LTBP2: variants seen among roughly 807,000 people sequenced by gnomAD.
The protein encoded by LTBP2 is latent transforming growth factor beta binding protein 2, also known as latent-transforming growth factor beta-binding protein 2.
In LTBP2, 103 loss-of-function variants were observed where a neutral mutation model predicts 210.6. The observed-to-expected ratio is 0.49, with a 90% CI of 0.42 to 0.58. The LOEUF (loss-of-function observed/expected upper bound fraction) is 0.58. LTBP2 is among the 20% of genes least tolerant of loss of function. The pLI is 0.00. For missense variants in LTBP2, 2,313 were observed against 2,494.5 expected, an observed-to-expected ratio of 0.93 and a Z score of 1.55; for synonymous variants, 1,007 against 1,015.0, an observed-to-expected ratio of 0.99 and a Z score of 0.15.
chr14:74,545,170 A>G (rs2087561942), intron 8 of LTBP2, among the ~76,000 whole-genome samples: 1 of 152,062 alleles, frequency 6.6e-6, no homozygotes, highest in Non-Finnish European at 1.5e-5. Flanking sequence ...GATTAGGGAG[A>G]TCTTGCTCAG....
chr14:74,582,930 G>A (rs1383561146), intron 3 of LTBP2, among the ~76,000 whole-genome samples: 2 of 152,170 alleles, frequency 1.3e-5, no homozygotes, highest in African/African-American at 2.4e-5. Flanking sequence ...ATCTCTCCAG[G>A]CCCTTCCCAG....
Position 74,611,463 on chromosome 14 carries a change from C to G in LTBP2, c.482G>C (p.Gly161Ala). The G allele has an allele frequency of 6.7e-7, 1 of 1,493,306 alleles. No individual in the cohort carries two copies. 92.5% of individuals were successfully genotyped at this position (1,493,306 alleles called of 1,614,324 possible). A position where few individuals can be genotyped will look rare whatever the true frequency, so the allele number is the denominator to read the frequency against. Residue 161 changes from glycine (G) to alanine (A), a missense_variant, in exon 1 of 36, where the codon GGG becomes GCG. By Grantham distance (60) the Gly-to-Ala change is moderately conservative. Coordinates refer to ENST00000261978, the MANE Select transcript of LTBP2 (RefSeq NM_000428.3). ...SGAAPPTPPR[G>A]RLTGRNVCGG... ...CTCCCATGCTCACCCCGTGAGCCGC[C>G]CTCGCGGCGGGGTTGGGGGCGCAGC...
chr14:74,514,416 C>G (rs895424442), intron 18 of LTBP2, among the ~76,000 whole-genome samples: 4 of 152,140 alleles, frequency 2.6e-5, no homozygotes, highest in South Asian at 4.1e-4. Context: ...CCCAAAGGGC[C>G]CATGGCAACA....
chr14:74,503,782 T>A, intron 31 of LTBP2, 144 bp downstream of exon 31: 1 of 1,422,874 alleles, frequency 7.0e-7, no homozygotes, highest in South Asian at 1.2e-5. Flanking sequence ...CCACAGCTCC[T>A]TCACCTGGGA....
At chr14:74,556,521 T>G (rs1190292175) in intron 3 of LTBP2, among the ~76,000 whole-genome samples, 1 of 152,202 alleles carries the variant, frequency 6.6e-6, no homozygotes, top group African/African-American at 2.4e-5. Flanking sequence ...GTTTTTTGCT[T>G]GTTTTTGTTT....
At chr14:74,548,600 A>G (rs1179575382) in intron 8 of LTBP2, among the ~76,000 whole-genome samples, 1 of 152,212 alleles carries the variant, frequency 6.6e-6, no homozygotes, top group Non-Finnish European at 1.5e-5. Flanking sequence ...TGGCAAAAAC[A>G]TCTCTGGCCT....
Position 74,517,853 on chromosome 14 carries a change from C to G in LTBP2, c.2789-912G>C, listed in dbSNP as rs1323369245. Among the ~76,000 whole-genome samples, 4 of 152,356 alleles carry G rather than the reference C, an allele frequency of 2.6e-5. No individual in the cohort carries two copies. The South Asian group carries it at 8.3e-4, about 32-fold the overall frequency. On this transcript the variant is annotated intron_variant, in intron 17 of 35. Transcript: ENST00000261978. ...GCCCCTCCACTGCTTAAACTCCTAC[C>G]AGAGACCCCTGCTACCTCCAGTTCT...
chr14:74,612,120 G>A lies in LTBP2; in HGVS notation c.-176C>T, dbSNP rs1040430978. Reference sequence around the variant, plus strand: ...GCTCTCGGCGGAACGAGGGCTGCGCGCCCCGAGCCTCGAGTCCGCGCTCCT... The same window carrying A: ...GCTCTCGGCGGAACGAGGGCTGCGCACCCCGAGCCTCGAGTCCGCGCTCCT... On this transcript the variant is annotated 5_prime_UTR_variant, in exon 1 of 36. Coordinates refer to ENST00000261978, the MANE Select transcript of LTBP2 (RefSeq NM_000428.3). The A allele has an allele frequency of 4.7e-6, 3 of 636,886 alleles. No homozygotes were observed. Among genetic ancestry groups the A allele is most frequent in the Non-Finnish European group, 7.4e-6 (3 of 405,216 alleles). 39.5% of individuals were successfully genotyped at this position (636,886 alleles called of 1,614,324 possible). A position where few individuals can be genotyped will look rare whatever the true frequency, so the allele number is the denominator to read the frequency against.
intron 12 of LTBP2, among the ~76,000 whole-genome samples, chr14:74,528,010 G>C (rs1031857032): frequency 2.0e-5 from 3 of 152,226 alleles, no homozygotes; most frequent in African/African-American, 4.8e-5. Context: ...CTTGCAAGGA[G>C]AGCCTCATAC....
intron 2 of LTBP2, among the ~76,000 whole-genome samples, chr14:74,602,602 C>T (rs1483497119): frequency 6.6e-6 from 1 of 152,212 alleles, no homozygotes; most frequent in East Asian, 1.9e-4. Flanking sequence ...TCCTCATCCA[C>T]CCGCCACAGA....
At chr14:74,606,603 C>A (rs1262536107) in intron 1 of LTBP2, among the ~76,000 whole-genome samples, 1 of 152,188 alleles carries the variant, frequency 6.6e-6, no homozygotes, top group African/African-American at 2.4e-5. Flanking sequence ...AATCCCAGCA[C>A]TTTAGGAGTC....
intron 3 of LTBP2, among the ~76,000 whole-genome samples, chr14:74,579,826 A>C (rs2088113201): frequency 6.6e-6 from 1 of 152,240 alleles, no homozygotes; most frequent in Admixed American, 6.5e-5. Context: ...ACAGAACGGC[A>C]ACCCTGGCCA....
intron 3 of LTBP2, among the ~76,000 whole-genome samples, chr14:74,561,958 T>C (rs943465643): frequency 6.6e-6 from 1 of 152,110 alleles, no homozygotes; most frequent in African/African-American, 2.4e-5. Context: ...GCCTGTAATC[T>C]CAGCACTTTG....
Position 74,527,426 on chromosome 14 carries a change from C to T in LTBP2, c.2369-60G>A, listed in dbSNP as rs1438766376. 1.8e-5 allele frequency: 29 copies of T among 1,576,276 alleles called. No homozygotes were observed. The South Asian group carries it at 3.2e-4, about 18-fold the overall frequency. On this transcript the variant is annotated intron_variant, in intron 12 of 35. Transcript: ENST00000261978. ...GGAGGGTCTGGCTGCCTTCTCCCCT[C>T]ACCGCCACCTGGGCGGCTTCACAGT...
At position 74,577,045 on chromosome 14, in the gene LTBP2, T is replaced by A. The variant is rs569125631; in HGVS notation, c.830+8809A>T. Among the ~76,000 whole-genome samples the A allele has an allele frequency of 8.9e-4, 135 of 152,216 alleles. 2 individuals carry two copies. In the Middle Eastern group the frequency reaches 0.024, roughly 27 times the overall value. On this transcript the variant is annotated intron_variant, in intron 3 of 35. Coordinates refer to ENST00000261978, the MANE Select transcript of LTBP2 (RefSeq NM_000428.3). ...CAAGGTCACAAGGCCAGTTAGTAAC[T>A]AAGAGGCCAAAATTGGGTTTACTGA...
rs760329330 is a variant in LTBP2, at chr14:74,611,515, G to A, written c.430C>T (p.Arg144Cys). The change falls in exon 1 of 36, where the codon CGC becomes TGC. Residue 144 changes from arginine (R) to cysteine (C), a missense_variant. Transcript: ENST00000261978. The part of the protein sequence containing the change: ...PRTRAAPALP[R>C]LGTPQRSGAA... ...CCAGACCGCTGTGGGGTCCCCAGGC[G>A]TGGGAGAGCCGGCGCGGCCCGGGTC... 17 of 1,537,564 alleles carry A rather than the reference G, an allele frequency of 1.1e-5. No homozygotes were observed. Among genetic ancestry groups the A allele is most frequent in the African/African-American group, 1.4e-5 (1 of 70,196 alleles).
chr14:74,540,847 A>ATATTATATATAT (rs2087492387), intron 8 of LTBP2, among the ~76,000 whole-genome samples: 23 of 16,958 alleles, frequency 1.4e-3, no homozygotes, highest in South Asian at 6.1e-3. Flanking sequence ...ATTTATATAT[A>ATATTATATATAT]TTATATATAT....
chr14:74,508,540 T>C (rs2087021728), intron 24 of LTBP2, 64 bp downstream of exon 24: 21 of 1,568,454 alleles, frequency 1.3e-5, no homozygotes, highest in Non-Finnish European at 1.8e-5. Flanking sequence ...TCCTGACCAG[T>C]AGAGGTAGCT....
chr14:74,516,975 C>A, intron 17 of LTBP2, 34 bp from the exon 18 acceptor site: 1 of 1,548,658 alleles, frequency 6.5e-7, no homozygotes, highest in Non-Finnish European at 8.7e-7. Context: ...GAGTCACAGC[C>A]AGCCCTGGAG....
Sources: gnomAD v4.1 joint callset for allele counts (sites outside exome capture counted in the v4.1 genomes callset) on GRCh38, gnomAD v4.1.1 for gene constraint, MANE v1.5 for transcripts, NCBI Gene and HGNC (gene_info 2026-07-23, HGNC 2026-07-21) for gene names.